Variants in ITGA9 observed in about 807,000 individuals in gnomAD.
ITGA9 encodes integrin alpha-9.
Under a neutral mutation model 127.8 loss-of-function variants are expected in ITGA9, and 56 were observed. The observed-to-expected ratio is 0.44, with a 90% CI of 0.35 to 0.55. The LOEUF is 0.55. Ranked by LOEUF, ITGA9 falls within the 20% of genes least tolerant of loss-of-function variation. The probability of loss-of-function intolerance (pLI) is 0.00; values close to 1 mark genes in which losing one functional copy is unlikely to be tolerated. For missense variants in ITGA9, 1,196 were observed against 1,347.1 expected (o/e 0.89, Z 1.76); for synonymous variants, 508 against 514.5 (o/e 0.99, Z 0.17).
At chr3:37,818,577 T>C in intron 27 of ITGA9, 1 of 366,796 alleles carries the variant, frequency 2.7e-6, no homozygotes, top group Non-Finnish European at 5.2e-6. Context: ...AACCTTTTTT[T>C]ACTCCCAAAC....
chr3:37,680,173 T>A (rs780868660), intron 17 of ITGA9, among the ~76,000 whole-genome samples: 1 of 152,194 alleles, frequency 6.6e-6, no homozygotes. Flanking sequence ...CTCTCTAATA[T>A]GGGCCTAATA....
chr3:37,625,235 C>T (rs1189882493), intron 15 of ITGA9, among the ~76,000 whole-genome samples: 1 of 152,184 alleles, frequency 6.6e-6, no homozygotes, highest in African/African-American at 2.4e-5. Context: ...TCCCCAAAGC[C>T]TCCCCTGTCC....
intron 4 of ITGA9, among the ~76,000 whole-genome samples, chr3:37,485,515 G>A (rs1444510017): frequency 6.6e-6 from 1 of 152,124 alleles, no homozygotes; most frequent in Non-Finnish European, 1.5e-5. Context: ...ATGGTGAGGA[G>A]CTCCCGAGAA....
At chr3:37,519,473 C>G in intron 11 of ITGA9, 119 bp downstream of exon 11, 1 of 774,530 alleles carries the variant, frequency 1.3e-6, no homozygotes, top group Non-Finnish European at 2.3e-6. Flanking sequence ...CTTGCCTTGG[C>G]CTTCCTACCC....
At chr3:37,681,049 CCT>C (rs1700729967) in intron 17 of ITGA9, among the ~76,000 whole-genome samples, 2 of 152,122 alleles carry the variant, frequency 1.3e-5, no homozygotes, top group Non-Finnish European at 2.9e-5. Context: ...AGAGTGAGGT[CCT>C]CTCTTCACGG....
intron 1 of ITGA9, among the ~76,000 whole-genome samples, chr3:37,463,140 G>C (rs1445654984): frequency 6.6e-6 from 1 of 152,224 alleles, no homozygotes; most frequent in Non-Finnish European, 1.5e-5. Flanking sequence ...TGCATAGTTG[G>C]ATAATTGGTT....
intron 3 of ITGA9, among the ~76,000 whole-genome samples, chr3:37,479,301 A>G (rs1176049769): frequency 6.6e-6 from 1 of 152,220 alleles, no homozygotes; most frequent in African/African-American, 2.4e-5. Flanking sequence ...AGCACAAAAC[A>G]ATATCAAGGA....
intron 1 of ITGA9, among the ~76,000 whole-genome samples, chr3:37,453,203 G>A (rs897861423): frequency 1.5e-4 from 23 of 152,128 alleles, no homozygotes; most frequent in Non-Finnish European, 1.9e-4. Flanking sequence ...AGGTGAGGGA[G>A]CACTTCCCAG....
chr3:37,632,278 G>A (rs1700236559), intron 16 of ITGA9, among the ~76,000 whole-genome samples: 7 of 152,170 alleles, frequency 4.6e-5, no homozygotes. Flanking sequence ...TTTTCTAATG[G>A]ATGGGATTCT....
chr3:37,792,437 A>C (rs1054503319), intron 26 of ITGA9, among the ~76,000 whole-genome samples: 4 of 152,202 alleles, frequency 2.6e-5, no homozygotes, highest in African/African-American at 9.6e-5. Context: ...GAATGTTTCT[A>C]CAAGGAAGCT....
intron 4 of ITGA9, among the ~76,000 whole-genome samples, chr3:37,488,960 A>G (rs997565967): frequency 6.6e-6 from 1 of 152,190 alleles, no homozygotes; most frequent in African/African-American, 2.4e-5. Flanking sequence ...AAAGCTCTGT[A>G]CCCATTAAAC....
chr3:37,752,598 A>G (rs1300419645), intron 23 of ITGA9, among the ~76,000 whole-genome samples: 1 of 152,172 alleles, frequency 6.6e-6, no homozygotes, highest in Non-Finnish European at 1.5e-5. Context: ...GCCTGTGATC[A>G]TCATCCATAG....
At chr3:37,550,035 C>T (rs1271903100) in intron 15 of ITGA9, among the ~76,000 whole-genome samples, 4 of 152,186 alleles carry the variant, frequency 2.6e-5, no homozygotes, top group African/African-American at 7.2e-5. Flanking sequence ...CTGTGAGTCA[C>T]TACATGTGAG....
At chr3:37,773,123 G>C (rs939028485) in intron 23 of ITGA9, among the ~76,000 whole-genome samples, 5 of 152,204 alleles carry the variant, frequency 3.3e-5, no homozygotes, top group Non-Finnish European at 5.9e-5. Flanking sequence ...TAGCAACACT[G>C]GCTGGGCTGG....
At chr3:37,735,631 TCA>T (rs1340225060) in intron 19 of ITGA9, among the ~76,000 whole-genome samples, 1 of 152,222 alleles carries the variant, frequency 6.6e-6, no homozygotes, top group African/African-American at 2.4e-5. Context: ...TTAGCCAAGA[TCA>T]CAGTCAGTTT....
chr3:37,632,060 A>G (rs904257938), intron 16 of ITGA9, among the ~76,000 whole-genome samples: 1 of 152,204 alleles, frequency 6.6e-6, no homozygotes, highest in Non-Finnish European at 1.5e-5. Context: ...AGTTTGAAAT[A>G]TGAATGGACA....
intron 14 of ITGA9, among the ~76,000 whole-genome samples, chr3:37,537,040 G>T (rs1699214816): frequency 6.6e-6 from 1 of 152,230 alleles, no homozygotes; most frequent in South Asian, 2.1e-4. Flanking sequence ...CAAGCCTCCA[G>T]ATGGGTTCAA....
chr3:37,524,457 T>C (rs1320909042), intron 12 of ITGA9, among the ~76,000 whole-genome samples: 1 of 152,144 alleles, frequency 6.6e-6, no homozygotes, highest in Non-Finnish European at 1.5e-5. Context: ...TTTTGGAAAT[T>C]CCTCAAGACA....
At chr3:37,557,017 A>G (rs1300894885) in intron 15 of ITGA9, among the ~76,000 whole-genome samples, 1 of 152,208 alleles carries the variant, frequency 6.6e-6, no homozygotes, top group Non-Finnish European at 1.5e-5. Flanking sequence ...TGTTGTCAGC[A>G]GTCAACTGAC....
Sources: allele counts gnomAD v4.1 joint callset (sites outside exome capture counted in the v4.1 genomes callset), GRCh38; gene constraint gnomAD v4.1.1; transcripts MANE v1.5; gene names NCBI Gene and HGNC (gene_info 2026-07-23, HGNC 2026-07-21).